STK32C: variants seen among roughly 807,000 people sequenced by gnomAD.
The protein encoded by STK32C is serine/threonine-protein kinase 32C.
Under a neutral mutation model 56.5 loss-of-function variants are expected in STK32C, and 31 were observed. That is an observed-to-expected ratio of 0.55 (90% CI 0.41 to 0.74). The LOEUF (loss-of-function observed/expected upper bound fraction) is 0.74. Among genes scored for constraint, STK32C ranks in the 30% least tolerant of loss-of-function variants. The pLI is 0.00. For missense variants in STK32C, 544 were observed against 676.9 expected (o/e 0.80, Z 2.18); for synonymous variants, 309 against 289.4 (o/e 1.07, Z -0.69).
At position 132,208,019 on chromosome 10, in the gene STK32C, C is replaced by G. The variant is rs768852753; in HGVS notation, c.1452G>C (p.Gly484=). 10 of 1,309,130 alleles carry G rather than the reference C, an allele frequency of 7.6e-6. No individual in the cohort carries two copies. Among genetic ancestry groups the G allele is most frequent in the Admixed American group, 3.1e-5 (1 of 32,160 alleles). The allele number at this position is 1,309,130 out of a possible 1,614,324, so 81.1% of individuals were successfully genotyped here. The part of the protein sequence containing the change: ...PMCGPICPSA[G]SG The stretch of plus-strand genomic sequence containing the variant: ...CCACGGGCGTCCCGGCCTAGCCGCT[C>G]CCGGCCGAGGGGCAAATGGGGCCGC... Residue 484 remains glycine (G), a synonymous_variant, in exon 12 of 12, where the codon GGG becomes GGC. Coordinates refer to ENST00000298630, the MANE Select transcript of STK32C (RefSeq NM_173575.4).
At chr10:132,326,600 G>T (rs1405881259) in intron 1 of STK32C, among the ~76,000 whole-genome samples, 5 of 152,252 alleles carry the variant, frequency 3.3e-5, no homozygotes, top group African/African-American at 1.2e-4. Flanking sequence ...TGGGATTACA[G>T]GCGTGAGCCA....
intron 10 of STK32C, among the ~76,000 whole-genome samples, chr10:132,210,019 C>A (rs2062240763): frequency 1.3e-5 from 2 of 152,160 alleles, no homozygotes; most frequent in Admixed American, 6.5e-5. Context: ...TGGGTACACA[C>A]CAGAACGCTC....
chr10:132,230,336 G>A (rs923787324), intron 2 of STK32C, among the ~76,000 whole-genome samples: 4 of 152,218 alleles, frequency 2.6e-5, no homozygotes, highest in South Asian at 2.1e-4. Flanking sequence ...CGCGTGGCTC[G>A]GCAGCACGGC....
chr10:132,296,942 G>A (rs1343922683), intron 1 of STK32C, among the ~76,000 whole-genome samples: 1 of 152,230 alleles, frequency 6.6e-6, no homozygotes, highest in Non-Finnish European at 1.5e-5. Flanking sequence ...ACGGCAGGGG[G>A]TGCAGGGAAG....
chr10:132,237,540 T>C (rs942179047), intron 2 of STK32C, among the ~76,000 whole-genome samples: 2 of 152,264 alleles, frequency 1.3e-5, no homozygotes, highest in African/African-American at 4.8e-5. Context: ...CACTCCTTCC[T>C]AAGCAGACTC....
chr10:132,297,317 G>A (rs983388374), intron 1 of STK32C, among the ~76,000 whole-genome samples: 26 of 152,230 alleles, frequency 1.7e-4, no homozygotes, highest in Admixed American at 1.5e-3. Context: ...CGGTGCCTCC[G>A]CCCCCGCTGC....
intron 1 of STK32C, among the ~76,000 whole-genome samples, chr10:132,305,458 G>A (rs1039267540): frequency 3.3e-5 from 5 of 152,146 alleles, no homozygotes; most frequent in African/African-American, 7.2e-5. Context: ...AAAATTCATC[G>A]GAAGGTCTAG....
intron 1 of STK32C, among the ~76,000 whole-genome samples, chr10:132,282,426 C>T (rs2065241406): frequency 6.6e-6 from 1 of 152,024 alleles, no homozygotes. Context: ...CCCACCTGTG[C>T]CTGCGCCCAC....
intron 1 of STK32C, among the ~76,000 whole-genome samples, chr10:132,280,020 C>A (rs114101954): frequency 0.01 from 1,467 of 141,808 alleles, 32 homozygotes; most frequent in African/African-American, 0.037. Flanking sequence ...CGCCCCTGCA[C>A]TCCATGATCA....
chr10:132,295,409 G>A (rs929680662), intron 1 of STK32C, among the ~76,000 whole-genome samples: 3 of 152,232 alleles, frequency 2.0e-5, no homozygotes, highest in Non-Finnish European at 2.9e-5. Flanking sequence ...CGAAAGCACC[G>A]AAGAAGGGGT....
At chr10:132,263,436 G>A (rs149827042) in intron 1 of STK32C, among the ~76,000 whole-genome samples, 1,877 of 152,200 alleles carry the variant, frequency 0.012, 39 homozygotes, top group African/African-American at 0.043. Context: ...CCGGGACTGC[G>A]AGGCAGGGGA....
At chr10:132,226,764 C>T in intron 4 of STK32C, 31 bp downstream of exon 4, 1 of 1,603,398 alleles carries the variant, frequency 6.2e-7, no homozygotes, top group Non-Finnish European at 8.5e-7. Flanking sequence ...CCCACCTCAG[C>T]AGGTACCTGC....
At chr10:132,325,324 G>A (rs574717437) in intron 1 of STK32C, among the ~76,000 whole-genome samples, 18 of 152,062 alleles carry the variant, frequency 1.2e-4, no homozygotes, top group East Asian at 1.9e-4. Context: ...AAGCCAAGAC[G>A]GGTGGATCAC....
intron 1 of STK32C, among the ~76,000 whole-genome samples, chr10:132,278,284 C>T (rs770429794): frequency 1.1e-4 from 16 of 152,112 alleles, no homozygotes; most frequent in Admixed American, 2.6e-4. Context: ...GCCATGCCTC[C>T]GTGAGTTCTA....
At chr10:132,280,981 T>C (rs1163836217) in intron 1 of STK32C, among the ~76,000 whole-genome samples, 4 of 131,560 alleles carry the variant, frequency 3.0e-5, no homozygotes, top group East Asian at 2.3e-4. Flanking sequence ...CATTCCATGA[T>C]CACGCCCCTG....
intron 1 of STK32C, among the ~76,000 whole-genome samples, chr10:132,251,056 T>A (rs961800209): frequency 6.6e-6 from 1 of 152,214 alleles, no homozygotes; most frequent in Non-Finnish European, 1.5e-5. Context: ...GACCCCACCA[T>A]CCCTGGGGTC....
chr10:132,324,487 G>C (rs1237367893), intron 1 of STK32C: 1 of 607,016 alleles, frequency 1.6e-6, no homozygotes, highest in East Asian at 2.8e-5. Context: ...GCACAGCAGA[G>C]CAGAAATGGA....
intron 11 of STK32C, among the ~76,000 whole-genome samples, chr10:132,208,481 C>A (rs986296434): frequency 6.6e-6 from 1 of 152,208 alleles, no homozygotes; most frequent in African/African-American, 2.4e-5. Context: ...CCCAGGGTGC[C>A]AGTCAGTGCC....
downstream of STK32C, among the ~76,000 whole-genome samples, chr10:132,323,686 T>A (rs1227005689): frequency 6.6e-6 from 1 of 152,222 alleles, no homozygotes; most frequent in East Asian, 1.9e-4. This position sits in a 1 kb window ranked among gnomAD's most constrained non-coding sequence, Gnocchi z 4.8. Flanking sequence ...GGGTGATGGA[T>A]GGAGCTAAAC....
Sources: allele counts gnomAD v4.1 joint callset (sites outside exome capture counted in the v4.1 genomes callset), GRCh38; gene constraint gnomAD v4.1.1; non-coding constraint Gnocchi (gnomAD v3.1); transcripts MANE v1.5; gene names NCBI Gene and HGNC (gene_info 2026-07-23, HGNC 2026-07-21).